IKZF1: variants seen among roughly 807,000 people sequenced by gnomAD.
IKZF1 encodes the protein DNA-binding protein Ikaros.
In IKZF1, 10 loss-of-function variants were observed where a neutral mutation model predicts 51.7. That is an observed-to-expected ratio of 0.19 (90% CI 0.12 to 0.33). The LOEUF (loss-of-function observed/expected upper bound fraction) is 0.33. Among genes scored for constraint, IKZF1 ranks in the 10% least tolerant of loss-of-function variants. The pLI, the probability that IKZF1 is intolerant of heterozygous loss-of-function variation, is 1.00. For synonymous variants in IKZF1, 280 were observed against 282.3 expected (o/e 0.99, Z 0.08); for missense variants, 484 against 707.5 (o/e 0.68, Z 3.58).
chr7:50,382,896 C>G (rs1266595266), intron 5 of IKZF1, among the ~76,000 whole-genome samples, 189 bp downstream of exon 5: 1 of 152,122 alleles, frequency 6.6e-6, no homozygotes, highest in Non-Finnish European at 1.5e-5. Context: ...CTCCTTTTCC[C>G]ACTGCACCAG....
chr7:50,351,860 TC>T (rs528456491), intron 3 of IKZF1, among the ~76,000 whole-genome samples: 2 of 151,676 alleles, frequency 1.3e-5, no homozygotes, highest in African/African-American at 2.4e-5. Context: ...TACTAACAAT[TC>T]CCCCCCGCCC....
At chr7:50,340,171 G>A (rs1798745816) in intron 3 of IKZF1, among the ~76,000 whole-genome samples, 2 of 152,208 alleles carry the variant, frequency 1.3e-5, no homozygotes, top group Admixed American at 1.3e-4. Context: ...GGAAGGGCTG[G>A]GGATTGTATT....
At chr7:50,366,111 G>A (rs1806854444) in intron 3 of IKZF1, among the ~76,000 whole-genome samples, 1 of 152,120 alleles carries the variant, frequency 6.6e-6, no homozygotes, top group African/African-American at 2.4e-5. Context: ...CTATCAGAGG[G>A]TGGAGGGTGG....
In IKZF1 at chr7:50,400,909, G is replaced by T; in HGVS notation, c.*282G>T. ...GCTGGCTGAGATTCCCTCACCTGTCGCTTCCTAGAATCCCCTTCTCCAAAC... is the reference window on the plus strand; with the variant it reads ...GCTGGCTGAGATTCCCTCACCTGTCTCTTCCTAGAATCCCCTTCTCCAAAC... On this transcript the variant is annotated 3_prime_UTR_variant, in exon 8 of 8. Transcript: ENST00000331340. The surrounding 1 kb of genome is among the most constrained non-coding windows in gnomAD (Gnocchi z 5.4). 1 of 494,254 alleles carries T rather than the reference G, an allele frequency of 2.0e-6. No individual in the cohort carries two copies. Among genetic ancestry groups the T allele is most frequent in the Non-Finnish European group, 3.6e-6 (1 of 278,418 alleles). 30.6% of individuals were successfully genotyped at this position (494,254 alleles called of 1,614,324 possible).
chr7:50,393,365 T>G (rs1046266825), intron 7 of IKZF1, among the ~76,000 whole-genome samples: 4 of 151,562 alleles, frequency 2.6e-5, no homozygotes, highest in African/African-American at 9.7e-5. Context: ...GGGAGAGAGG[T>G]GGGGCCAGAA....
intron 1 of IKZF1, among the ~76,000 whole-genome samples, chr7:50,315,453 C>T (rs562404728): frequency 2.6e-5 from 4 of 152,144 alleles, no homozygotes; most frequent in African/African-American, 7.2e-5. Flanking sequence ...GCTTCTGTCA[C>T]GTTGGCCCTG....
chr7:50,323,366 T>C (rs1793944352), intron 2 of IKZF1, among the ~76,000 whole-genome samples: 1 of 152,244 alleles, frequency 6.6e-6, no homozygotes, highest in African/African-American at 2.4e-5. Context: ...TTTGAGCTTG[T>C]ATTTACCCAG....
At chr7:50,377,888 A>AT (rs1810745709) in intron 4 of IKZF1, among the ~76,000 whole-genome samples, 1 of 152,226 alleles carries the variant, frequency 6.6e-6, no homozygotes, top group African/African-American at 2.4e-5. Context: ...TTAGGTCATC[A>AT]TAAAGCTAGC....
intron 3 of IKZF1, among the ~76,000 whole-genome samples, chr7:50,354,897 A>G (rs1802861589): frequency 6.6e-6 from 1 of 152,190 alleles, no homozygotes; most frequent in African/African-American, 2.4e-5. Context: ...TCAGTGATGC[A>G]TTTGGACAGC....
At chr7:50,331,438 C>CA (rs1188513813) in intron 3 of IKZF1, among the ~76,000 whole-genome samples, 16,136 of 106,040 alleles carry the variant, frequency 0.15, 887 homozygotes, top group Middle Eastern at 0.18. Flanking sequence ...CTAAAAGATG[C>CA]AAAAAAAAAA....
rs576608178 is a variant in IKZF1 at position 50,366,940 on chromosome 7, T to G, written c.161-9593T>G. Reference sequence around the variant, plus strand: ...TTTGATGGGATTCATAATATTGACTTTATCCATTAGATTTGGACTACCAGG... The same window carrying G: ...TTTGATGGGATTCATAATATTGACTGTATCCATTAGATTTGGACTACCAGG... On this transcript the variant is annotated intron_variant, in intron 3 of 7. Coordinates refer to ENST00000331340, the MANE Select transcript of IKZF1 (RefSeq NM_006060.6). Among the ~76,000 whole-genome samples the G allele has an allele frequency of 5.1e-4, 78 of 152,298 alleles. 1 individual carries two copies. The highest frequency in any genetic ancestry group is 1.5e-3 in the South Asian group (7 of 4,818).
intron 3 of IKZF1, among the ~76,000 whole-genome samples, chr7:50,335,633 GTGGTGTGTATGGGATGTA>G (rs1797573741): frequency 6.6e-6 from 1 of 151,062 alleles, no homozygotes; most frequent in Non-Finnish European, 1.5e-5. Flanking sequence ...TATGGGATGT[GTGGTGTGTATGGGATGTA>G]TGGTGTGTAT....
Position 50,376,723 on chromosome 7 carries a change from A to G in IKZF1, c.351A>G (p.Leu117=). The G allele has an allele frequency of 6.2e-7, 1 of 1,613,966 alleles. No individual in the cohort carries two copies. The highest frequency in any genetic ancestry group is 2.2e-5 in the East Asian group (1 of 44,870). The change falls in exon 4 of 8, where the codon CTA becomes CTG. Residue 117 remains leucine, a synonymous_variant. Coordinates refer to ENST00000331340, the MANE Select transcript of IKZF1 (RefSeq NM_006060.6). The surrounding 1 kb of genome is among the most constrained non-coding windows in gnomAD (Gnocchi z 4.5). ...GCATTCGACTTCCTAACGGAAAACT[A>G]AAGTGTGATATCTGTGGGATCATTT... ...VGGIRLPNGK[L]KCDICGIICI... is the part of the protein sequence containing the mutation.
At chr7:50,338,080 G>A (rs1384132369) in intron 3 of IKZF1, among the ~76,000 whole-genome samples, 1 of 151,856 alleles carries the variant, frequency 6.6e-6, no homozygotes, top group Non-Finnish European at 1.5e-5. Context: ...TCTGACATGT[G>A]AATTTTAAAA....
chr7:50,371,243 C>A (rs900424022), intron 3 of IKZF1, among the ~76,000 whole-genome samples: 2 of 152,182 alleles, frequency 1.3e-5, no homozygotes, highest in Non-Finnish European at 2.9e-5. Flanking sequence ...AGGAGGTGCT[C>A]AGCTTCAGTA....
intron 3 of IKZF1, chr7:50,368,574 T>G (rs979675594): frequency 3.8e-6 from 2 of 531,296 alleles, no homozygotes; most frequent in African/African-American, 3.8e-5. Flanking sequence ...GCATCGCTGC[T>G]GGAGCCAACG....
chr7:50,351,075 A>G (rs2153430542), intron 3 of IKZF1, among the ~76,000 whole-genome samples: 1 of 152,346 alleles, frequency 6.6e-6, no homozygotes, highest in South Asian at 2.1e-4. Flanking sequence ...GTGGAAGCCA[A>G]TTAACTATAG....
chr7:50,358,864 T>TTC (rs397743839), intron 3 of IKZF1, among the ~76,000 whole-genome samples: 16 of 151,656 alleles, frequency 1.1e-4, no homozygotes, highest in African/African-American at 3.4e-4. Flanking sequence ...GAGTTTTTTT[T>TTC]CCCTGGTTAG....
chr7:50,308,157 A>G (rs1305749532), intron 1 of IKZF1, among the ~76,000 whole-genome samples: 3 of 152,352 alleles, frequency 2.0e-5, no homozygotes, highest in South Asian at 2.1e-4. Flanking sequence ...GAAGTGCCAT[A>G]TATTACAAGT....
Sources: allele counts gnomAD v4.1 joint callset (sites outside exome capture counted in the v4.1 genomes callset), GRCh38; gene constraint gnomAD v4.1.1; non-coding constraint Gnocchi (gnomAD v3.1); transcripts MANE v1.5; gene names NCBI Gene and HGNC (gene_info 2026-07-23, HGNC 2026-07-21).